BCKDHB: variants seen among roughly 807,000 people sequenced by gnomAD.
BCKDHB encodes branched chain keto acid dehydrogenase E1 subunit beta.
Under a neutral mutation model 48.5 loss-of-function variants are expected in BCKDHB, and 41 were observed. The ratio of observed to expected loss-of-function variants is 0.85; its 90% CI spans 0.66 to 1.10. BCKDHB has a LOEUF of 1.10. Ranked by LOEUF, BCKDHB falls within the 50% of genes least tolerant of loss-of-function variation. BCKDHB has a pLI of 0.00. For synonymous variants in BCKDHB, 201 were observed against 174.8 expected, an observed-to-expected ratio of 1.15 and a Z score of -1.18; for missense variants, 496 against 494.2, an observed-to-expected ratio of 1.00 and a Z score of -0.03.
intron 6 of BCKDHB, among the ~76,000 whole-genome samples, chr6:80,191,101 T>C (rs540951145): frequency 6.6e-6 from 1 of 152,326 alleles, no homozygotes; most frequent in East Asian, 1.9e-4. Context: ...TAACCATTTG[T>C]TACTCTAGCC....
chr6:80,196,040 G>A (rs1006504584), intron 6 of BCKDHB, among the ~76,000 whole-genome samples: 15 of 152,176 alleles, frequency 9.9e-5, no homozygotes, highest in Non-Finnish European at 2.9e-5. Context: ...ATTAGTGACA[G>A]GGCAGAGAAA....
At chr6:80,299,022 C>T (rs1190070603) in intron 9 of BCKDHB, among the ~76,000 whole-genome samples, 1 of 152,106 alleles carries the variant, frequency 6.6e-6, no homozygotes, top group Non-Finnish European at 1.5e-5. Context: ...TACCAGTTAA[C>T]ATCCCATAGT....
chr6:80,424,775 ATT>A, the BCKDHB span, among the ~76,000 whole-genome samples: 1 of 152,152 alleles, frequency 6.6e-6, no homozygotes, highest in Admixed American at 6.5e-5. Flanking sequence ...AGCAATTAGA[ATT>A]TTTTAGCAAA....
chr6:80,182,532 G>A lies in BCKDHB; in HGVS notation c.742+11142G>A, dbSNP rs148193415. 2.4e-3 allele frequency among the ~76,000 whole-genome samples: 371 copies of A among 152,204 alleles called. 2 individuals are homozygous for A. Among genetic ancestry groups the A allele is most frequent in the African/African-American group, 6.3e-3 (260 of 41,562 alleles). On this transcript the variant is annotated intron_variant, in intron 6 of 9. Transcript: ENST00000320393. ...ATAAAATTTTAATACCATGAGTCAT[G>A]TGTTTTCTTTGTAAAAAGTTCCAGC...
chr6:80,365,658 C>T, the BCKDHB span, among the ~76,000 whole-genome samples: 2 of 152,252 alleles, frequency 1.3e-5, no homozygotes, highest in South Asian at 4.1e-4. Flanking sequence ...TTCAAATACA[C>T]GTTTTACAAT....
chr6:80,154,681 T>C (rs950697433), intron 3 of BCKDHB, among the ~76,000 whole-genome samples: 44 of 152,278 alleles, frequency 2.9e-4, no homozygotes, highest in African/African-American at 1.0e-3. Flanking sequence ...TTTTATAATG[T>C]ATTAAAAAGT....
At chr6:80,423,601 A>G in the BCKDHB span, among the ~76,000 whole-genome samples, 20 of 152,208 alleles carry the variant, frequency 1.3e-4, no homozygotes, top group Non-Finnish European at 7.4e-5. Flanking sequence ...TTTAAGCCAT[A>G]TTTAATCTCC....
the BCKDHB span, among the ~76,000 whole-genome samples, chr6:80,396,428 C>A: frequency 1.0e-3 from 155 of 152,326 alleles, no homozygotes; most frequent in Non-Finnish European, 1.9e-3. Flanking sequence ...CCAGATGACA[C>A]TTTGGACTTG....
the BCKDHB span, among the ~76,000 whole-genome samples, chr6:80,405,873 A>C: frequency 1.3e-5 from 2 of 152,258 alleles, no homozygotes; most frequent in Admixed American, 6.5e-5. Flanking sequence ...CATGTGGAAA[A>C]CGAGCAGGTT....
intron 1 of BCKDHB, among the ~76,000 whole-genome samples, chr6:80,107,518 T>TATATATATAC (rs1554181354): frequency 8.2e-6 from 1 of 121,686 alleles, no homozygotes; most frequent in African/African-American, 4.0e-5. Context: ...TGTGCGCATA[T>TATATATATAC]ATATATATAT....
the BCKDHB span, among the ~76,000 whole-genome samples, chr6:80,418,735 T>C: frequency 2.0e-5 from 3 of 152,268 alleles, no homozygotes; most frequent in African/African-American, 4.8e-5. Flanking sequence ...AAGTGCTTCA[T>C]AGTGTGGTGA....
intron 8 of BCKDHB, among the ~76,000 whole-genome samples, chr6:80,262,944 T>C (rs1398229894): frequency 1.3e-5 from 2 of 152,178 alleles, no homozygotes; most frequent in African/African-American, 2.4e-5. Context: ...GAATAAAGAA[T>C]TGTAAATCAA....
At chr6:80,447,895 T>C in the BCKDHB span, among the ~76,000 whole-genome samples, 1 of 152,196 alleles carries the variant, frequency 6.6e-6, no homozygotes. Context: ...TGAGTTAAAA[T>C]AACTTGTTCA....
the BCKDHB span, among the ~76,000 whole-genome samples, chr6:80,422,591 C>T: frequency 1.2e-4 from 19 of 152,304 alleles, no homozygotes; most frequent in Non-Finnish European, 2.2e-4. Context: ...TGCAGAGACA[C>T]AGTAGTGCAG....
intron 9 of BCKDHB, among the ~76,000 whole-genome samples, chr6:80,309,497 TTA>T (rs1482436128): frequency 6.6e-6 from 1 of 152,240 alleles, no homozygotes; most frequent in East Asian, 1.9e-4. Context: ...ATAAAAATAT[TTA>T]TCTTTGAAAT....
In BCKDHB at chr6:80,318,208, G is replaced by A. The variant is rs139777349; in HGVS notation, c.1039-25456G>A. On this transcript the variant is annotated intron_variant, in intron 9 of 9. Coordinates refer to ENST00000320393, the MANE Select transcript of BCKDHB (RefSeq NM_183050.4). ...TATTTATTCAATTAATCATTCAAAT[G>A]TGCAAGATGTGGGGAGAATTGGATA... 1.0e-3 allele frequency among the ~76,000 whole-genome samples: 159 copies of A among 152,316 alleles called. 1 individual carries two copies. Among genetic ancestry groups the A allele is most frequent in the African/African-American group, 3.6e-3 (151 of 41,576 alleles).
At chr6:80,437,342 C>T in the BCKDHB span, among the ~76,000 whole-genome samples, 1 of 152,182 alleles carries the variant, frequency 6.6e-6, no homozygotes, top group East Asian at 1.9e-4. Context: ...TGTATGCATT[C>T]TTTGAAAATC....
downstream of BCKDHB, among the ~76,000 whole-genome samples, chr6:80,347,698 TA>T (rs1770272658): frequency 6.6e-6 from 1 of 152,252 alleles, no homozygotes; most frequent in Non-Finnish European, 1.5e-5. Context: ...TAAATGCCTG[TA>T]TTTGAAAGCC....
At chr6:80,420,615 G>T in the BCKDHB span, among the ~76,000 whole-genome samples, 1 of 152,316 alleles carries the variant, frequency 6.6e-6, no homozygotes, top group Non-Finnish European at 1.5e-5. Flanking sequence ...CACATGAGGT[G>T]CTGTCTACAG....
Sources: gnomAD v4.1 joint callset for allele counts (sites outside exome capture counted in the v4.1 genomes callset) on GRCh38, gnomAD v4.1.1 for gene constraint, MANE v1.5 for transcripts, NCBI Gene and HGNC (gene_info 2026-07-23, HGNC 2026-07-21) for gene names.